TBPL1: variants seen among roughly 807,000 people sequenced by gnomAD.
The protein encoded by TBPL1 is TATA-box binding protein like 1, also known as TATA box-binding protein-like 1.
In TBPL1, 4 loss-of-function variants were observed where a neutral mutation model predicts 22.1. The ratio of observed to expected loss-of-function variants is 0.18; its 90% CI spans 0.09 to 0.41. TBPL1 has a LOEUF of 0.41. Among genes scored for constraint, TBPL1 ranks in the 10% least tolerant of loss-of-function variants. TBPL1 has a pLI of 1.00. For synonymous variants in TBPL1, 64 were observed against 71.0 expected, an observed-to-expected ratio of 0.90 and a Z score of 0.50; for missense variants, 115 against 222.3, an observed-to-expected ratio of 0.52 and a Z score of 3.07.
intron 2 of TBPL1, among the ~76,000 whole-genome samples, 195 bp downstream of exon 2, chr6:133,980,455 G>A (rs76726535): frequency 0.012 from 1,840 of 152,164 alleles, 18 homozygotes; most frequent in Non-Finnish European, 0.02. Flanking sequence ...TAGAGTGCTG[G>A]TACCTGAATC....
At chr6:133,956,555 T>TG (rs1775930887) in intron 1 of TBPL1, among the ~76,000 whole-genome samples, 1 of 147,832 alleles carries the variant, frequency 6.8e-6, no homozygotes, top group Non-Finnish European at 1.5e-5. Context: ...ATCAGGAGTA[T>TG]GAGTAGCCAT....
rs1306176228 is a variant in TBPL1, at chr6:133,953,230, C to T, written c.-240C>T. 6.5e-6 allele frequency: 1 copy of T among 152,834 alleles called. No individual in the cohort carries two copies. Among genetic ancestry groups the T allele is most frequent in the African/African-American group, 2.4e-5 (1 of 41,464 alleles). The allele number at this position is 152,834 out of a possible 1,614,324, so 9.5% of individuals were successfully genotyped here. A position where few individuals can be genotyped will look rare whatever the true frequency, so the allele number is the denominator to read the frequency against. Reference sequence around the variant, plus strand: ...GCGGGGAAGCTGCGGCCGCCTCGCACCCGGAACAACAAAGCAAGGAAGACG... The same window carrying T: ...GCGGGGAAGCTGCGGCCGCCTCGCATCCGGAACAACAAAGCAAGGAAGACG... On this transcript the variant is annotated 5_prime_UTR_variant, in exon 1 of 7. Transcript: ENST00000237264.
At chr6:133,975,538 C>T (rs1290449615) in intron 1 of TBPL1, among the ~76,000 whole-genome samples, 1 of 152,090 alleles carries the variant, frequency 6.6e-6, no homozygotes, top group East Asian at 1.9e-4. Flanking sequence ...AAATAAGCCA[C>T]CTTAAATTGT....
upstream of TBPL1, chr6:133,952,393 T>A (rs1775847055): frequency 6.6e-6 from 1 of 152,600 alleles, no homozygotes; most frequent in South Asian, 2.1e-4. The surrounding 1 kb of genome is among the most constrained non-coding windows in gnomAD (Gnocchi z 4.5). Context: ...GCATCCGCCC[T>A]CTCCCACTCC....
chr6:133,972,595 G>C (rs1427135819), intron 1 of TBPL1, among the ~76,000 whole-genome samples: 1 of 152,178 alleles, frequency 6.6e-6, no homozygotes, highest in Admixed American at 6.5e-5. Context: ...GGGCATGGCT[G>C]TGTTCCAATA....
intron 1 of TBPL1, among the ~76,000 whole-genome samples, chr6:133,977,900 G>T (rs1776342264): frequency 6.6e-6 from 1 of 152,188 alleles, no homozygotes; most frequent in Admixed American, 6.5e-5. Flanking sequence ...ATGAAAAAGG[G>T]CAGAAAGGCA....
rs149152540 is a variant in TBPL1, at chr6:133,954,824, A to T, written c.-45+1399A>T. Among the ~76,000 whole-genome samples the T allele has an allele frequency of 3.9e-5, 6 of 152,276 alleles. No homozygotes were observed. In the East Asian group the frequency reaches 1.2e-3, roughly 29 times the overall value. ...ACCCTCTGCCCTCAAAATCAGTATCAGAAACTCTAGTGACCTATTACTATG... is the reference window on the plus strand; with the variant it reads ...ACCCTCTGCCCTCAAAATCAGTATCTGAAACTCTAGTGACCTATTACTATG... On this transcript the variant is annotated intron_variant, in intron 1 of 6. Transcript: ENST00000237264.
Position 133,986,970 on chromosome 6 carries a change from T to G in TBPL1, c.491T>G (p.Val164Gly). The G allele has an allele frequency of 6.2e-7, 1 of 1,609,072 alleles. No homozygotes were observed. The highest frequency in any genetic ancestry group is 1.1e-5 in the South Asian group (1 of 90,270). The change falls in exon 7 of 7, where the codon GTA becomes GGA. Residue 164 changes from valine (V) to glycine (G), a missense_variant. Val to Gly is a moderately radical substitution (Grantham distance 109, BLOSUM62 -3). Coordinates refer to ENST00000237264, the MANE Select transcript of TBPL1 (RefSeq NM_004865.4). ...ATTGTGTTTATTACAGGGCCCAATGTAAAGGCTGTTGCTACTGCTGTGGAA... is the reference window on the plus strand; with the variant it reads ...ATTGTGTTTATTACAGGGCCCAATGGAAAGGCTGTTGCTACTGCTGTGGAA... ...TGSITVTGPNVKAVATAVEQI... is the reference protein window; with the variant it reads ...TGSITVTGPNGKAVATAVEQI...
intron 6 of TBPL1, among the ~76,000 whole-genome samples, chr6:133,985,618 G>A (rs1776505444): frequency 6.6e-6 from 1 of 151,944 alleles, no homozygotes. Flanking sequence ...ATTATAAATT[G>A]TACAGAGGCA....
intron 4 of TBPL1, among the ~76,000 whole-genome samples, chr6:133,983,556 A>T (rs1392445713): frequency 6.6e-6 from 1 of 151,856 alleles, no homozygotes; most frequent in Non-Finnish European, 1.5e-5. Flanking sequence ...GCTGGTGGGG[A>T]GTGGGGGTTG....
At chr6:133,971,866 CCTGTT>C (rs1776228469) in intron 1 of TBPL1, among the ~76,000 whole-genome samples, 3 of 152,000 alleles carry the variant, frequency 2.0e-5, no homozygotes, top group Admixed American at 6.6e-5. Flanking sequence ...CATATTTTCT[CCTGTT>C]CTGTGGGTTG....
chr6:133,968,824 C>G (rs908181625), intron 1 of TBPL1: 8 of 152,224 alleles, frequency 5.3e-5, no homozygotes, highest in Non-Finnish European at 7.3e-5. Flanking sequence ...CGCCCACTGC[C>G]ATGCCTGGCT....
At chr6:133,968,011 CT>C (rs535103637) in intron 1 of TBPL1, among the ~76,000 whole-genome samples, 332 of 136,014 alleles carry the variant, frequency 2.4e-3, no homozygotes, top group Middle Eastern at 3.8e-3. Context: ...TGACTATTTT[CT>C]TTTTTTTTTT....
At chr6:133,983,953 A>G (rs1472002719) in intron 4 of TBPL1, among the ~76,000 whole-genome samples, 1 of 152,196 alleles carries the variant, frequency 6.6e-6, no homozygotes, top group African/African-American at 2.4e-5. Flanking sequence ...TGAGAAAAAC[A>G]TCTGACTTTT....
rs1360648296 is a variant in TBPL1, at chr6:133,985,311, T to C, written c.481+640T>C. 1.1e-3 allele frequency among the ~76,000 whole-genome samples: 34 copies of C among 30,282 alleles called. 11 individuals are homozygous for C. The highest frequency in any genetic ancestry group is 1.7e-3 in the Non-Finnish European group (21 of 12,528). The allele number at this position is 30,282 out of a possible 152,430, so 19.9% of individuals were successfully genotyped here. On this transcript the variant is annotated intron_variant, in intron 6 of 6. Coordinates refer to ENST00000237264, the MANE Select transcript of TBPL1 (RefSeq NM_004865.4). ...AAAAAAAAAAAAATATATATATATA[T>C]ATATATATATATATATATATATATA... is the stretch of plus-strand genomic sequence containing the variant.
intron 1 of TBPL1, among the ~76,000 whole-genome samples, chr6:133,962,334 A>G (rs1776038798): frequency 6.6e-6 from 1 of 152,220 alleles, no homozygotes; most frequent in Admixed American, 6.5e-5. Flanking sequence ...GAATGCAAGC[A>G]GAGAGTTCTA....
At chr6:133,955,149 G>A (rs1184955684) in intron 1 of TBPL1, among the ~76,000 whole-genome samples, 1 of 151,342 alleles carries the variant, frequency 6.6e-6, no homozygotes. Flanking sequence ...TGGATGTTGA[G>A]TCCTGGGGTT....
intron 1 of TBPL1, among the ~76,000 whole-genome samples, chr6:133,967,107 C>T (rs1776133599): frequency 6.6e-6 from 1 of 152,214 alleles, no homozygotes; most frequent in Non-Finnish European, 1.5e-5. Flanking sequence ...GCTGATTCTT[C>T]CTTCAGGCCT....
Position 133,980,191 on chromosome 6 carries a change from A to C in TBPL1, c.66A>C (p.Thr22=). The change falls in exon 2 of 7, where the codon ACA becomes ACC. Residue 22 remains threonine (T), a synonymous_variant. Coordinates refer to ENST00000237264, the MANE Select transcript of TBPL1 (RefSeq NM_004865.4). The part of the protein sequence containing the change: ...LITNVVCVFR[T]RCHLNLRKIA... Reference sequence around the variant, plus strand: ...CAAATGTAGTCTGTGTTTTTAGAACAAGATGTCATTTAAACTTAAGGAAGA... The same window carrying C: ...CAAATGTAGTCTGTGTTTTTAGAACCAGATGTCATTTAAACTTAAGGAAGA... 6.2e-7 allele frequency: 1 copy of C among 1,610,296 alleles called. No individual in the cohort carries two copies.
Sources: gnomAD v4.1 joint callset for allele counts (sites outside exome capture counted in the v4.1 genomes callset) on GRCh38, gnomAD v4.1.1 for gene constraint, Gnocchi (gnomAD v3.1) non-coding constraint, MANE v1.5 for transcripts, NCBI Gene and HGNC (gene_info 2026-07-23, HGNC 2026-07-21) for gene names.